The following IL3RA variants were observed in gnomAD, a reference collection of about 807,000 sequenced individuals.
IL3RA encodes interleukin 3 receptor subunit alpha, also known as interleukin-3 receptor subunit alpha.
Under a neutral mutation model 52.3 loss-of-function variants are expected in IL3RA, and 73 were observed. The ratio of observed to expected loss-of-function variants is 1.40; its 90% confidence interval spans 1.16 to 1.70. The LOEUF is 1.70. Among genes scored for constraint, IL3RA ranks in the 40% most tolerant of loss-of-function variants. The pLI, the probability that IL3RA is intolerant of heterozygous loss-of-function variation, is 0.00. For missense variants in IL3RA, 664 were observed against 504.4 expected, an observed-to-expected ratio of 1.32 and a Z score of -3.03; for synonymous variants, 260 against 194.0, an observed-to-expected ratio of 1.34 and a Z score of -2.83.
intron 7 of IL3RA, among the ~76,000 whole-genome samples, chrX:1,357,580 T>C (rs1427006492): frequency 6.6e-6 from 1 of 151,100 alleles, no homozygotes; most frequent in Non-Finnish European, 1.5e-5. Flanking sequence ...TCCTGGCTGG[T>C]CTTGAACTCC....
rs1184720331 is a variant in IL3RA, at chrX:1,364,050, T to C, written c.760-1088T>C. On this transcript the variant is annotated intron_variant, in intron 8 of 11. Transcript: ENST00000331035. The stretch of plus-strand genomic sequence containing the variant: ...AAAAATACAAAAAATTAGCTGGGCA[T>C]GGTAGCGGGTGCCTGTAGTCCCAGC... Among the ~76,000 whole-genome samples, 6 of 150,836 alleles carry C rather than the reference T, an allele frequency of 4.0e-5. No individual in the cohort carries two copies. In the East Asian group the frequency reaches 7.8e-4, roughly 20 times the overall value.
At chrX:1,354,772 A>G (rs2086513064) in intron 6 of IL3RA, among the ~76,000 whole-genome samples, 2 of 108,994 alleles carry the variant, frequency 1.8e-5, no homozygotes, top group Admixed American at 9.4e-5. Flanking sequence ...GGAGGAGAAG[A>G]AAGAAGAGGA....
At chrX:1,354,041 A>G (rs2086409574) in intron 6 of IL3RA, among the ~76,000 whole-genome samples, 1 of 127,636 alleles carries the variant, frequency 7.8e-6, no homozygotes, top group African/African-American at 3.0e-5. Context: ...GGGTCTCATC[A>G]TGGGCCATGG....
At chrX:1,351,202 G>A (rs2086067624) in intron 4 of IL3RA, among the ~76,000 whole-genome samples, 1 of 151,990 alleles carries the variant, frequency 6.6e-6, no homozygotes. Flanking sequence ...GCGAGACTCT[G>A]TAAAAATGAA....
At position 1,373,495 on chromosome X, in the gene IL3RA, A is replaced by G. The variant is rs1302071138; in HGVS notation, c.875-5164A>G. ...GGAGAATCAATGTGTTTTGTTTCTA[A>G]GCCGCCCAGCCTCTGGTATTCTGTG... On this transcript the variant is annotated intron_variant, in intron 9 of 11. Coordinates refer to ENST00000331035, the MANE Select transcript of IL3RA (RefSeq NM_002183.4). Among the ~76,000 whole-genome samples, 3 of 30,992 alleles carry G rather than the reference A, an allele frequency of 9.7e-5. No homozygotes were observed. The African/African-American group carries it at 1.4e-3, about 14-fold the overall frequency. The allele number at this position is 30,992 out of a possible 152,430, so 20.3% of individuals were successfully genotyped here. A position where few individuals can be genotyped will look rare whatever the true frequency, so the allele number is the denominator to read the frequency against.
intron 1 of IL3RA, among the ~76,000 whole-genome samples, chrX:1,337,952 A>G (rs1318859802): frequency 6.1e-5 from 9 of 148,706 alleles, no homozygotes; most frequent in Non-Finnish European, 1.0e-4. Flanking sequence ...AAAAGGAACA[A>G]GCAGCTTTAT....
chrX:1,368,065 C>G (rs1268796165), intron 9 of IL3RA, among the ~76,000 whole-genome samples: 1 of 152,022 alleles, frequency 6.6e-6, no homozygotes, highest in Non-Finnish European at 1.5e-5. Flanking sequence ...CGAGACCATC[C>G]CGGCTAACAC....
rs1409530640 is a variant in IL3RA at position 1,382,322 on chromosome X, G to A, written c.1063-69G>A. On this transcript the variant is annotated intron_variant, in intron 11 of 11. Transcript: ENST00000331035. ...CAGATCTGAGATGGGACAGGCCCCC[G>A]CAGATCAGGACGTGGGCTCTGTTAT... The A allele has an allele frequency of 1.0e-5, 10 of 970,318 alleles. No individual in the cohort carries two copies. In the African/African-American group the frequency reaches 1.9e-4, roughly 18 times the overall value. 60.1% of individuals were successfully genotyped at this position (970,318 alleles called of 1,614,324 possible).
intron 6 of IL3RA, 120 bp from the exon 7 acceptor site, chrX:1,356,101 T>A: frequency 2.9e-6 from 2 of 690,494 alleles, no homozygotes; most frequent in Non-Finnish European, 5.1e-6. Context: ...TGTTTTTCTC[T>A]CCCGCTCTCC....
chrX:1,352,522 C>T lies in IL3RA; in HGVS notation c.616+16C>T. 6.2e-7 allele frequency: 1 copy of T among 1,609,344 alleles called. No homozygotes were observed. The highest frequency in any genetic ancestry group is 2.2e-5 in the East Asian group (1 of 44,830). On this transcript the variant is annotated intron_variant, in intron 6 of 11. Coordinates refer to ENST00000331035, the MANE Select transcript of IL3RA (RefSeq NM_002183.4). ...TCACAGATTGGTGAGTAGCCCGGGA[C>T]ACTCCCTCCCACCCTCAGTTCTGTG... is the stretch of plus-strand genomic sequence containing the variant.
At chrX:1,345,709 C>A (rs1239416052) in intron 3 of IL3RA, among the ~76,000 whole-genome samples, 1 of 151,712 alleles carries the variant, frequency 6.6e-6, no homozygotes, top group Non-Finnish European at 1.5e-5. Flanking sequence ...CCAGGAGGGT[C>A]TCGATCTCCT....
intron 8 of IL3RA, among the ~76,000 whole-genome samples, chrX:1,363,302 CTTTTTT>C (rs769178382): frequency 1.4e-4 from 18 of 130,628 alleles, no homozygotes; most frequent in Non-Finnish European, 2.5e-4. Flanking sequence ...GTCTTTTCTT[CTTTTTT>C]TTTTTTTTTT....
At chrX:1,380,434 GGAAGGGGAA>G in intron 10 of IL3RA, among the ~76,000 whole-genome samples, 1 of 7,588 alleles carries the variant, frequency 1.3e-4, no homozygotes, top group Non-Finnish European at 2.5e-4. Flanking sequence ...AGGGGGAGGG[GGAAGGGGAA>G]GAGGGGGGAG....
At chrX:1,355,487 C>T (rs1202839702) in intron 6 of IL3RA, among the ~76,000 whole-genome samples, 3 of 125,886 alleles carry the variant, frequency 2.4e-5, no homozygotes, top group Non-Finnish European at 3.5e-5. Flanking sequence ...AGGAGGGGGC[C>T]AGGGCTGGAC....
intron 4 of IL3RA, 137 bp downstream of exon 4, chrX:1,348,682 CTT>C (rs372946271): frequency 0.24 from 118,277 of 495,722 alleles, 19,257 homozygotes; most frequent in Non-Finnish European, 0.26. Flanking sequence ...TTCTTTCTTT[CTT>C]TCTTTCTTTT....
At chrX:1,364,783 TTTC>T (rs1445017464) in intron 8 of IL3RA, among the ~76,000 whole-genome samples, 2 of 144,192 alleles carry the variant, frequency 1.4e-5, no homozygotes, top group Non-Finnish European at 3.0e-5. Flanking sequence ...CAGCCCCTCT[TTTC>T]TTCTTTTATT....
chrX:1,340,855 G>A lies in IL3RA; in HGVS notation c.-38-873G>A, dbSNP rs760366247. Among the ~76,000 whole-genome samples, 350 of 152,140 alleles carry A rather than the reference G, an allele frequency of 2.3e-3. 2 individuals carry two copies. Among genetic ancestry groups the A allele is most frequent in the African/African-American group, 7.1e-3 (296 of 41,504 alleles). On this transcript the variant is annotated intron_variant, in intron 1 of 11. Transcript: ENST00000331035. ...AAGTGGGCTGGACGCGGTGGCTGAC[G>A]CCTGTCATCCCAGCACTTTGGGAGG...
chrX:1,349,064 G>A (rs754295400), intron 4 of IL3RA, among the ~76,000 whole-genome samples: 1 of 150,264 alleles, frequency 6.7e-6, no homozygotes, highest in Admixed American at 6.7e-5. Context: ...CTGGAGCGCA[G>A]TGGTGCAATC....
At chrX:1,356,010 C>T (rs2086676766) in intron 6 of IL3RA, among the ~76,000 whole-genome samples, 1 of 152,054 alleles carries the variant, frequency 6.6e-6, no homozygotes, top group African/African-American at 2.4e-5. Context: ...AACCCCAAGG[C>T]TCACTCCTCC....
Sources: allele counts gnomAD v4.1 joint callset (sites outside exome capture counted in the v4.1 genomes callset), GRCh38; gene constraint gnomAD v4.1.1; transcripts MANE v1.5; gene names NCBI Gene and HGNC (gene_info 2026-07-23, HGNC 2026-07-21).